LAMA4: variants seen among roughly 807,000 people sequenced by gnomAD.
LAMA4 encodes laminin subunit alpha-4.
A neutral mutation model predicts 207.1 loss-of-function variants in LAMA4; 127 were observed. The observed-to-expected ratio is 0.61, with a 90% CI of 0.53 to 0.71. The LOEUF (loss-of-function observed/expected upper bound fraction) is 0.71. LAMA4 is among the 30% of genes least tolerant of loss of function. The pLI, the probability that LAMA4 is intolerant of heterozygous loss-of-function variation, is 0.00. For synonymous variants in LAMA4, 761 were observed against 816.0 expected, an observed-to-expected ratio of 0.93 and a Z score of 1.15; for missense variants, 2,093 against 2,246.5, an observed-to-expected ratio of 0.93 and a Z score of 1.38.
intron 2 of LAMA4, among the ~76,000 whole-genome samples, chr6:112,249,183 G>T (rs1049074644): frequency 6.6e-6 from 1 of 152,052 alleles, no homozygotes; most frequent in Non-Finnish European, 1.5e-5. Flanking sequence ...GGTGGCTCAC[G>T]CCTGTAATCC....
chr6:112,115,167 T>C (rs1244987699), intron 36 of LAMA4, among the ~76,000 whole-genome samples: 1 of 152,134 alleles, frequency 6.6e-6, no homozygotes, highest in Non-Finnish European at 1.5e-5. Context: ...ACCTACATCA[T>C]GGAGATAATT....
At chr6:112,114,347 A>G in intron 37 of LAMA4, 152 bp from the exon 38 acceptor site, 1 of 772,724 alleles carries the variant, frequency 1.3e-6, no homozygotes, top group Non-Finnish European at 2.2e-6. Flanking sequence ...ATGATGTCTA[A>G]CAATGTCTAA....
chr6:112,180,729 T>C (rs1318363923), intron 9 of LAMA4, among the ~76,000 whole-genome samples: 1 of 152,154 alleles, frequency 6.6e-6, no homozygotes, highest in Non-Finnish European at 1.5e-5. Flanking sequence ...TGGTTCAACC[T>C]GGGGCATTTT....
intron 9 of LAMA4, among the ~76,000 whole-genome samples, chr6:112,180,915 T>A (rs1163216353): frequency 6.6e-6 from 1 of 152,212 alleles, no homozygotes; most frequent in African/African-American, 2.4e-5. Flanking sequence ...CCAGCCCTGA[T>A]TACCCTCTGA....
chr6:112,196,282 G>A (rs1170839735), intron 5 of LAMA4, among the ~76,000 whole-genome samples: 15 of 152,010 alleles, frequency 9.9e-5, no homozygotes, highest in Admixed American at 9.8e-4. Flanking sequence ...CTCCCATCTA[G>A]CTGTAAGTTT....
chr6:112,219,012 T>A (rs1053430686), intron 2 of LAMA4: 2 of 152,234 alleles, frequency 1.3e-5, no homozygotes, highest in Non-Finnish European at 2.9e-5. Context: ...GAATGGAGTT[T>A]TTAAGTGGTT....
chr6:112,112,709 C>A (rs3777945), intron 38 of LAMA4, among the ~76,000 whole-genome samples: 37,780 of 151,778 alleles, frequency 0.25, 4,691 homozygotes, highest in East Asian at 0.32. Context: ...TTTTTCACAC[C>A]GGGTTACTAT....
At chr6:112,171,121 A>G (rs559422399) in intron 12 of LAMA4, among the ~76,000 whole-genome samples, 1 of 152,300 alleles carries the variant, frequency 6.6e-6, no homozygotes, top group East Asian at 1.9e-4. Flanking sequence ...GTACACATAT[A>G]TAAGGCAGAA....
At chr6:112,141,908 T>C (rs1554333402) in intron 20 of LAMA4, among the ~76,000 whole-genome samples, 1 of 152,210 alleles carries the variant, frequency 6.6e-6, no homozygotes, top group African/African-American at 2.4e-5. Flanking sequence ...AGTGTGATGG[T>C]GATAGGAAAC....
At chr6:112,206,765 A>G (rs1364773359) in intron 4 of LAMA4, among the ~76,000 whole-genome samples, 1 of 152,202 alleles carries the variant, frequency 6.6e-6, no homozygotes, top group African/African-American at 2.4e-5. Context: ...TATAAAACTT[A>G]GGAGACTTTA....
chr6:112,210,338 G>A (rs1784295583), intron 3 of LAMA4, among the ~76,000 whole-genome samples: 3 of 152,068 alleles, frequency 2.0e-5, no homozygotes, highest in Middle Eastern at 3.2e-3. Flanking sequence ...ATTAATACAG[G>A]AGGAAAAGTT....
chr6:112,122,742 G>A (rs1778438286), intron 31 of LAMA4, among the ~76,000 whole-genome samples: 2 of 152,148 alleles, frequency 1.3e-5, no homozygotes, highest in Non-Finnish European at 2.9e-5. Context: ...AACACATTGT[G>A]CTCTTAAAAT....
intron 19 of LAMA4, 61 bp from the exon 20 acceptor site, chr6:112,142,353 G>T: frequency 6.7e-7 from 1 of 1,495,174 alleles, no homozygotes; most frequent in Non-Finnish European, 9.3e-7. Context: ...GTGCTTTCCC[G>T]TGCTTCCCTC....
At chr6:112,212,103 G>A (rs1784384065) in intron 3 of LAMA4, among the ~76,000 whole-genome samples, 1 of 152,106 alleles carries the variant, frequency 6.6e-6, no homozygotes, top group African/African-American at 2.4e-5. Context: ...GGAGCATGGG[G>A]GACCAGCAGA....
chr6:112,253,837 G>C (rs1787643991), intron 2 of LAMA4, 119 bp downstream of exon 2: 1 of 1,614,138 alleles, frequency 6.2e-7, no homozygotes. Context: ...CCTAGCCCAG[G>C]TGAAACTCTC....
intron 3 of LAMA4, among the ~76,000 whole-genome samples, chr6:112,208,595 C>T (rs1784199102): frequency 1.3e-5 from 2 of 152,128 alleles, no homozygotes; most frequent in South Asian, 4.1e-4. Flanking sequence ...TTGTTAGTTT[C>T]CATATTATAC....
rs117141652 is a variant in LAMA4 at position 112,143,916 on chromosome 6, G to A, written c.2493+878C>T. ...CTAAATAAGGTAATTTGTCACAAGG[G>A]ACCATTTATCATCATTTAAAAGTCA... On this transcript the variant is annotated intron_variant, in intron 19 of 38. Coordinates refer to ENST00000230538, the MANE Select transcript of LAMA4 (RefSeq NM_001105206.3). 9.9e-3 allele frequency among the ~76,000 whole-genome samples: 1,505 copies of A among 152,148 alleles called. 12 individuals carry two copies. Among genetic ancestry groups the A allele is most frequent in the Admixed American group, 0.015 (234 of 15,280 alleles).
chr6:112,250,490 C>T (rs1016622169), intron 2 of LAMA4, among the ~76,000 whole-genome samples: 2 of 152,124 alleles, frequency 1.3e-5, no homozygotes, highest in African/African-American at 4.8e-5. Context: ...GTTAACACAA[C>T]AATAATGACA....
chr6:112,246,529 T>TA (rs1281584426), intron 2 of LAMA4, among the ~76,000 whole-genome samples: 5 of 151,648 alleles, frequency 3.3e-5, no homozygotes, highest in Admixed American at 2.6e-4. Context: ...GCTTTTTTTT[T>TA]TTTTTTTTTG....
Sources: allele counts gnomAD v4.1 joint callset (sites outside exome capture counted in the v4.1 genomes callset), GRCh38; gene constraint gnomAD v4.1.1; transcripts MANE v1.5; gene names NCBI Gene and HGNC (gene_info 2026-07-23, HGNC 2026-07-21).